AGFG2: variants seen among roughly 807,000 people sequenced by gnomAD.
The protein encoded by AGFG2 is arf-GAP domain and FG repeat-containing protein 2.
AGFG2 carries 31 observed loss-of-function variants against 48.0 expected under a neutral mutation model. The observed-to-expected ratio is 0.65, with a 90% CI of 0.49 to 0.87. AGFG2 has a LOEUF of 0.87. Among genes scored for constraint, AGFG2 ranks in the 40% least tolerant of loss-of-function variants. AGFG2 has a pLI of 0.00. For synonymous variants in AGFG2, 229 were observed against 260.8 expected, an observed-to-expected ratio of 0.88 and a Z score of 1.18; for missense variants, 599 against 632.6, an observed-to-expected ratio of 0.95 and a Z score of 0.57.
intron 6 of AGFG2, among the ~76,000 whole-genome samples, chr7:100,559,581 C>G (rs1270669164): frequency 6.6e-6 from 1 of 152,044 alleles, no homozygotes; most frequent in Non-Finnish European, 1.5e-5. Context: ...CTTGGGGAGG[C>G]TGAGGTGGGC....
At position 100,563,763 on chromosome 7, in the gene AGFG2, G is replaced by GA; in HGVS notation, c.1172-70dup. On this transcript the variant is annotated intron_variant, in intron 9 of 11. Coordinates refer to ENST00000300176, the MANE Select transcript of AGFG2 (RefSeq NM_006076.5). ...ATATCCCATTTTCCCATCTTGGAGG[G>GA]ACTTAGGAAAAACAGTTCTCCAGCC... 7 of 1,592,742 alleles carry GA rather than the reference G, an allele frequency of 4.4e-6. No homozygotes were observed. In the South Asian group the frequency reaches 6.6e-5, roughly 15 times the overall value.
chr7:100,539,985 A>C (rs1242451651), intron 1 of AGFG2, among the ~76,000 whole-genome samples: 1 of 152,056 alleles, frequency 6.6e-6, no homozygotes, highest in Non-Finnish European at 1.5e-5. Context: ...GAAAGCAAAA[A>C]GGAAAAAGGT....
In AGFG2 at chr7:100,562,676, T is replaced by C; in HGVS notation, c.1081T>C (p.Phe361Leu). The stretch of plus-strand genomic sequence containing the variant: ...CGGCGGCAGCAGCACAGGGCTGGCC[T>C]TTGGAGGTGAGTCCTGCCTGTGGAG... ...GGGGSSTGLAFGAFTNPFTAP... is the reference protein window; with the variant it reads ...GGGGSSTGLALGAFTNPFTAP... The change falls in exon 8 of 12, where the codon TTT (phenylalanine) becomes CTT (leucine). Residue 361 changes from phenylalanine (F) to leucine (L), a missense_variant. Coordinates refer to ENST00000300176, the MANE Select transcript of AGFG2 (RefSeq NM_006076.5). This position sits in a 1 kb window ranked among gnomAD's most constrained non-coding sequence, Gnocchi z 5.4. The C allele has an allele frequency of 6.2e-7, 1 of 1,607,110 alleles. No homozygotes were observed. The highest frequency in any genetic ancestry group is 2.2e-5 in the East Asian group (1 of 44,870).
At chr7:100,543,292 T>C (rs1471853539) in intron 1 of AGFG2, among the ~76,000 whole-genome samples, 1 of 152,214 alleles carries the variant, frequency 6.6e-6, no homozygotes, top group Non-Finnish European at 1.5e-5. Context: ...CTCAAACTCC[T>C]GACCTCAGGT....
intron 1 of AGFG2, 148 bp downstream of exon 1, chr7:100,539,715 C>T (rs1234315480): frequency 1.7e-6 from 1 of 579,262 alleles, no homozygotes; most frequent in East Asian, 3.5e-5. Context: ...GGGACGGGGT[C>T]GTCTGCTGCA....
chr7:100,564,009 CAT>C (rs1562797002), intron 10 of AGFG2, 47 bp downstream of exon 10: 7 of 1,592,866 alleles, frequency 4.4e-6, no homozygotes, highest in Admixed American at 1.7e-5. Flanking sequence ...CCCATCTCTG[CAT>C]AGAGATCAGT....
rs1353495732 is a variant in AGFG2 at position 100,564,227 on chromosome 7, T to G, written c.1310T>G (p.Phe437Cys). The G allele has an allele frequency of 6.2e-7, 1 of 1,612,284 alleles. No individual in the cohort carries two copies. The change falls in exon 11 of 12, where the codon TTC (phenylalanine) becomes TGC (cysteine). Residue 437 changes from phenylalanine to cysteine, a missense_variant. Coordinates refer to ENST00000300176, the MANE Select transcript of AGFG2 (RefSeq NM_006076.5). Reference sequence around the variant, plus strand: ...TGCTCTCGCCCCCTAGGCTCTTCCTTCGGGGACTTAGGATCAGCCAAGTTG... The same window carrying G: ...TGCTCTCGCCCCCTAGGCTCTTCCTGCGGGGACTTAGGATCAGCCAAGTTG... ...PLVQQQNGSS[F>C]GDLGSAKLGQ...
chr7:100,543,830 C>T (rs766627300), intron 1 of AGFG2, among the ~76,000 whole-genome samples: 4 of 152,144 alleles, frequency 2.6e-5, no homozygotes, highest in Non-Finnish European at 4.4e-5. Context: ...ATACATACTG[C>T]CACAATTGTA....
intron 3 of AGFG2, among the ~76,000 whole-genome samples, chr7:100,553,089 G>C (rs539489883): frequency 1.4e-4 from 22 of 152,128 alleles, no homozygotes; most frequent in Non-Finnish European, 1.5e-5. Context: ...GGTAGTTAAG[G>C]CTGTGTTGAG....
chr7:100,564,692 T>C (rs546633675), intron 11 of AGFG2, among the ~76,000 whole-genome samples: 8 of 152,140 alleles, frequency 5.3e-5, no homozygotes, highest in Non-Finnish European at 7.4e-5. Context: ...TTAGTAGAGA[T>C]AGGGTTTTCC....
intron 2 of AGFG2, among the ~76,000 whole-genome samples, chr7:100,549,966 A>G (rs376241156): frequency 9.8e-4 from 150 of 152,318 alleles, no homozygotes; most frequent in African/African-American, 3.4e-3. Flanking sequence ...TGCTGAGATT[A>G]CAGGTGTGAG....
chr7:100,553,109 C>G (rs557854022), intron 3 of AGFG2, among the ~76,000 whole-genome samples: 1 of 151,996 alleles, frequency 6.6e-6, no homozygotes, highest in Non-Finnish European at 1.5e-5. Flanking sequence ...GCCAACATTG[C>G]CCCACTGCAC....
At position 100,562,364 on chromosome 7, in the gene AGFG2, C is replaced by A; in HGVS notation, c.983C>A (p.Ala328Glu). 1 of 1,613,656 alleles carries A rather than the reference C, an allele frequency of 6.2e-7. No individual in the cohort carries two copies. The highest frequency in any genetic ancestry group is 8.5e-7 in the Non-Finnish European group (1 of 1,179,792). The change falls in exon 7 of 12, where the codon GCA becomes GAA. Residue 328 changes from alanine to glutamate, a missense_variant. Coordinates refer to ENST00000300176, the MANE Select transcript of AGFG2 (RefSeq NM_006076.5). The surrounding 1 kb of genome is among the most constrained non-coding windows in gnomAD (Gnocchi z 5.4). ...GSFLGPGVPA[A>E]GVPSSLFGMA... Reference sequence around the variant, plus strand: ...TTCCTGGGACCCGGGGTGCCCGCTGCAGGTGTTCCTAGCAGGTAGGTACAG... The same window carrying A: ...TTCCTGGGACCCGGGGTGCCCGCTGAAGGTGTTCCTAGCAGGTAGGTACAG...
chr7:100,548,723 C>G, intron 1 of AGFG2, 99 bp from the exon 2 acceptor site: 1 of 837,324 alleles, frequency 1.2e-6, no homozygotes, highest in Non-Finnish European at 2.0e-6. Flanking sequence ...AGTTTATATG[C>G]TATTCTTTCA....
chr7:100,562,853 AC>A lies in AGFG2; in HGVS notation c.1088-8del, dbSNP rs1249518108. 8.1e-6 allele frequency: 13 copies of A among 1,613,576 alleles called. No homozygotes were observed. Among genetic ancestry groups the A allele is most frequent in the Non-Finnish European group, 1.1e-5 (13 of 1,179,678 alleles). ...TCTCTTTCCTGCCGCTCCCCATTCC[AC>A]CTGGGCAGCCTTCACTAACCCTTTC... On this transcript the variant is annotated splice_polypyrimidine_tract_variant and intron_variant, in intron 8 of 11. Coordinates refer to ENST00000300176, the MANE Select transcript of AGFG2 (RefSeq NM_006076.5). The surrounding 1 kb of genome is among the most constrained non-coding windows in gnomAD (Gnocchi z 5.4).
chr7:100,541,569 C>T (rs1373188913), intron 1 of AGFG2, among the ~76,000 whole-genome samples: 6 of 151,884 alleles, frequency 4.0e-5, no homozygotes, highest in Admixed American at 3.9e-4. Context: ...CGAGACCAGC[C>T]TGGCCAACAT....
chr7:100,560,880 C>T (rs1197995037), intron 6 of AGFG2, among the ~76,000 whole-genome samples: 7 of 137,684 alleles, frequency 5.1e-5, no homozygotes, highest in African/African-American at 1.4e-4. Flanking sequence ...GATATGATCT[C>T]GGCTCACTGC....
chr7:100,539,695 G>C, intron 1 of AGFG2, 128 bp downstream of exon 1: 1 of 742,934 alleles, frequency 1.3e-6, no homozygotes, highest in African/African-American at 1.8e-5. Context: ...CAGGGAACGC[G>C]CCGGCTGTGG....
chr7:100,546,594 C>T (rs1396369275), intron 1 of AGFG2, among the ~76,000 whole-genome samples: 2 of 152,172 alleles, frequency 1.3e-5, no homozygotes, highest in Non-Finnish European at 2.9e-5. Context: ...TTGTATCCCC[C>T]ACAGTGCCTC....
Sources: gnomAD v4.1 joint callset for allele counts (sites outside exome capture counted in the v4.1 genomes callset) on GRCh38, gnomAD v4.1.1 for gene constraint, Gnocchi (gnomAD v3.1) non-coding constraint, MANE v1.5 for transcripts, NCBI Gene and HGNC (gene_info 2026-07-23, HGNC 2026-07-21) for gene names.